OCA2: variants seen among roughly 807,000 people sequenced by gnomAD.
OCA2 encodes P protein.
In OCA2, 77 loss-of-function variants were observed where a neutral mutation model predicts 100.2. That is an observed-to-expected ratio of 0.77 (90% CI 0.64 to 0.93). OCA2 has a LOEUF of 0.93. OCA2 is among the 40% of genes least tolerant of loss of function. The pLI is 0.00. For synonymous variants in OCA2, 432 were observed against 439.2 expected (o/e 0.98, Z 0.21); for missense variants, 1,062 against 1,089.1 (o/e 0.98, Z 0.35).
intron 9 of OCA2, among the ~76,000 whole-genome samples, chr15:28,010,592 C>T (rs1001205716): frequency 2.6e-5 from 4 of 152,024 alleles, no homozygotes; most frequent in African/African-American, 9.7e-5. Context: ...AAAATAAAAA[C>T]TCAGTACCAT....
chr15:28,053,500 A>T (rs1176316774), intron 2 of OCA2, among the ~76,000 whole-genome samples: 1 of 152,144 alleles, frequency 6.6e-6, no homozygotes, highest in Non-Finnish European at 1.5e-5. Context: ...GCATTTCTCA[A>T]GGCATCACCC....
chr15:27,839,392 T>G (rs1489622509), intron 23 of OCA2, among the ~76,000 whole-genome samples: 1 of 152,206 alleles, frequency 6.6e-6, no homozygotes, highest in Non-Finnish European at 1.5e-5. Flanking sequence ...TGGACTAAGT[T>G]CATTTATTAA....
chr15:28,027,669 C>T (rs959442250), intron 4 of OCA2, among the ~76,000 whole-genome samples: 2 of 152,180 alleles, frequency 1.3e-5, no homozygotes, highest in African/African-American at 4.8e-5. Flanking sequence ...TCCTCTCCGG[C>T]GCTGCATGAT....
intron 23 of OCA2, among the ~76,000 whole-genome samples, chr15:27,817,692 T>A (rs1262529122): frequency 6.6e-6 from 1 of 152,162 alleles, no homozygotes; most frequent in Non-Finnish European, 1.5e-5. Context: ...TTTGGCGCCC[T>A]GTGATCATTA....
chr15:28,096,124 T>C (rs1483878308), intron 1 of OCA2, among the ~76,000 whole-genome samples: 2 of 149,480 alleles, frequency 1.3e-5, no homozygotes, highest in Non-Finnish European at 1.5e-5. Context: ...GTAGCTTGTC[T>C]CCGGGGCGTG....
At chr15:28,062,889 T>A (rs934143817) in intron 2 of OCA2, among the ~76,000 whole-genome samples, 10 of 152,132 alleles carry the variant, frequency 6.6e-5, no homozygotes, top group African/African-American at 2.2e-4. Flanking sequence ...ATTTCTGGAG[T>A]CTTGATCCTC....
chr15:27,858,160 G>C (rs756891709), intron 21 of OCA2, among the ~76,000 whole-genome samples: 11 of 152,112 alleles, frequency 7.2e-5, no homozygotes, highest in Non-Finnish European at 1.3e-4. Flanking sequence ...GTTCACCTGA[G>C]GTCAGGAGTT....
intron 18 of OCA2, among the ~76,000 whole-genome samples, chr15:27,941,411 G>T (rs867927873): frequency 3.3e-5 from 5 of 152,054 alleles, no homozygotes; most frequent in African/African-American, 7.2e-5. Context: ...TAAAAATCTC[G>T]CAGTCTTACT....
intron 23 of OCA2, among the ~76,000 whole-genome samples, chr15:27,806,987 G>C (rs1372789116): frequency 6.6e-6 from 1 of 152,060 alleles, no homozygotes. Flanking sequence ...GCCCACCTCA[G>C]ACCCACATTA....
chr15:27,913,835 A>AAAGAAAGG (rs2038502819), intron 19 of OCA2, among the ~76,000 whole-genome samples: 2 of 54,872 alleles, frequency 3.6e-5, no homozygotes, highest in Admixed American at 2.7e-4. Context: ...AGAAAGAAAG[A>AAAGAAAGG]AAGGAAAGAA....
At chr15:27,954,152 CACACACA>C (rs779279899) in intron 17 of OCA2, among the ~76,000 whole-genome samples, 3,524 of 54,386 alleles carry the variant, frequency 0.065, 60 homozygotes, top group Non-Finnish European at 0.19. Context: ...CACACACACA[CACACACA>C]CCTAGGGTCA....
downstream of OCA2, among the ~76,000 whole-genome samples, chr15:27,751,123 T>C (rs1323282911): frequency 6.6e-6 from 1 of 152,252 alleles, no homozygotes; most frequent in Non-Finnish European, 1.5e-5. Flanking sequence ...ACGGTCCTAA[T>C]GGTTTTAAAT....
At chr15:28,084,793 G>T (rs1377345856) in intron 1 of OCA2, among the ~76,000 whole-genome samples, 1 of 152,202 alleles carries the variant, frequency 6.6e-6, no homozygotes, top group Non-Finnish European at 1.5e-5. Flanking sequence ...CCCCTCAGAG[G>T]CCCCCTTCAC....
chr15:27,905,409 C>T (rs909457615), intron 19 of OCA2, among the ~76,000 whole-genome samples: 6 of 152,208 alleles, frequency 3.9e-5, no homozygotes, highest in Non-Finnish European at 8.8e-5. Context: ...TCACTGCTGT[C>T]CCAGCAACAA....
chr15:27,892,485 G>A (rs971304488), intron 19 of OCA2, among the ~76,000 whole-genome samples: 1 of 151,976 alleles, frequency 6.6e-6, no homozygotes, highest in African/African-American at 2.4e-5. Flanking sequence ...AGGTCTCAAA[G>A]TAAATTTTAA....
At chr15:28,089,920 C>T (rs1395267932) in intron 1 of OCA2, among the ~76,000 whole-genome samples, 2 of 152,044 alleles carry the variant, frequency 1.3e-5, no homozygotes, top group Non-Finnish European at 2.9e-5. Context: ...TAACAACCTG[C>T]ACATGTAGCC....
the OCA2 span, among the ~76,000 whole-genome samples, chr15:27,723,503 C>G: frequency 6.6e-6 from 1 of 151,854 alleles, no homozygotes; most frequent in Non-Finnish European, 1.5e-5. Flanking sequence ...TCTGACCTGA[C>G]CGAGAGACAG....
At chr15:27,915,352 T>G (rs550371824) in intron 19 of OCA2, among the ~76,000 whole-genome samples, 2 of 152,176 alleles carry the variant, frequency 1.3e-5, no homozygotes, top group East Asian at 3.9e-4. Context: ...AAACAAAAGT[T>G]GACAAATGGG....
intron 9 of OCA2, among the ~76,000 whole-genome samples, chr15:27,997,355 T>C (rs1159740588): frequency 6.6e-6 from 1 of 152,040 alleles, no homozygotes; most frequent in Non-Finnish European, 1.5e-5. Context: ...AATTTTTGTA[T>C]AAGGTGTAAG....
Sources: gnomAD v4.1 joint callset for allele counts (sites outside exome capture counted in the v4.1 genomes callset) on GRCh38, gnomAD v4.1.1 for gene constraint, MANE v1.5 for transcripts, NCBI Gene and HGNC (gene_info 2026-07-23, HGNC 2026-07-21) for gene names.